TTC34: variants seen among roughly 807,000 people sequenced by gnomAD.
TTC34 encodes tetratricopeptide repeat protein 34.
In TTC34, 44 loss-of-function variants were observed where a neutral mutation model predicts 40.7. The observed-to-expected ratio is 1.08, with a 90% confidence interval of 0.85 to 1.39. TTC34 has a LOEUF of 1.39. TTC34 is among the 40% of genes most tolerant of loss of function. The pLI is 0.00. For missense variants in TTC34, 884 were observed against 838.0 expected (o/e 1.05, Z -0.68); for synonymous variants, 422 against 398.6 (o/e 1.06, Z -0.70).
In TTC34 at chr1:2,785,967, G is replaced by A. The variant is rs370056680; in HGVS notation, c.1911C>T (p.Asp637=). Residue 637 remains aspartate (D), a synonymous_variant, in exon 5 of 9, where the codon GAC becomes GAT. Coordinates refer to ENST00000401095, the Ensembl canonical transcript of TTC34. ...GCTGCCGGTCCTCGTGGCAGAAGAC[G>A]TCCAGGGTGGGCTGGAGGCAGGCGG... 17 of 1,511,594 alleles carry A rather than the reference G, an allele frequency of 1.1e-5. No homozygotes were observed. The highest frequency in any genetic ancestry group is 4.2e-5 in the Admixed American group (2 of 47,266). The allele number at this position is 1,511,594 out of a possible 1,614,324, so 93.6% of individuals were successfully genotyped here. A position where few individuals can be genotyped will look rare whatever the true frequency, so the allele number is the denominator to read the frequency against.
At chr1:2,753,066 C>G (rs1641378027) in intron 6 of TTC34, among the ~76,000 whole-genome samples, 32 of 150,824 alleles carry the variant, frequency 2.1e-4, no homozygotes, top group South Asian at 6.3e-4. Context: ...CCCAGGTGAG[C>G]ATCTGACAGC....
chr1:2,749,484 C>A (rs1346351708), intron 6 of TTC34, among the ~76,000 whole-genome samples: 6 of 86,042 alleles, frequency 7.0e-5, no homozygotes, highest in African/African-American at 2.5e-4. Flanking sequence ...GCACCCACAT[C>A]CCCAGGTGAG....
At chr1:2,666,099 A>T in intron 6 of TTC34, among the ~76,000 whole-genome samples, 1 of 109,678 alleles carries the variant, frequency 9.1e-6, no homozygotes, top group African/African-American at 3.2e-5. Flanking sequence ...CGCCCAGGTG[A>T]GCCTCTGACA....
intron 6 of TTC34, among the ~76,000 whole-genome samples, chr1:2,755,711 T>C (rs1641481098): frequency 1.4e-4 from 2 of 14,534 alleles, no homozygotes; most frequent in Non-Finnish European, 2.5e-4. Context: ...AACCCACAGG[T>C]GAGCATCCGA....
At chr1:2,651,859 G>T (rs1305172508) in intron 6 of TTC34, among the ~76,000 whole-genome samples, 1 of 151,864 alleles carries the variant, frequency 6.6e-6, no homozygotes, top group South Asian at 2.1e-4. Flanking sequence ...GTGAGCCTCT[G>T]ATGGACTCAA....
exon 4 of TTC34, chr1:2,787,540 C>T: frequency 6.5e-7 from 1 of 1,539,160 alleles, no homozygotes; most frequent in Non-Finnish European, 8.8e-7. Context: ...CGTGCCAGCA[C>T]AGGGGCTGCC....
intron 6 of TTC34, among the ~76,000 whole-genome samples, chr1:2,688,168 C>G (rs1437189700): frequency 7.1e-6 from 1 of 140,748 alleles, no homozygotes; most frequent in Admixed American, 7.3e-5. Flanking sequence ...GCACCCACAC[C>G]CCCAGGCGAG....
In TTC34 at chr1:2,692,295, G is replaced by T; in HGVS notation, c.2227-46732C>A. Among the ~76,000 whole-genome samples, 2 of 70,622 alleles carry T rather than the reference G, an allele frequency of 2.8e-5. 1 individual carries two copies. The highest frequency in any genetic ancestry group is 8.9e-4 in the South Asian group (2 of 2,242). The allele number at this position is 70,622 out of a possible 152,430, so 46.3% of individuals were successfully genotyped here. On this transcript the variant is annotated intron_variant, in intron 6 of 8. Coordinates refer to ENST00000401095, the Ensembl canonical transcript of TTC34. Reference sequence around the variant, plus strand: ...GGTGAGCATCTGACAGCCTGGAGCAGCAGGCACACCCCCAGTGAGCATCTG... The same window carrying T: ...GGTGAGCATCTGACAGCCTGGAGCATCAGGCACACCCCCAGTGAGCATCTG...
chr1:2,647,479 C>T (rs1220660281), intron 6 of TTC34, among the ~76,000 whole-genome samples: 2 of 152,010 alleles, frequency 1.3e-5, no homozygotes, highest in African/African-American at 4.8e-5. Flanking sequence ...AATAAAAATA[C>T]AAAACTTAGC....
At chr1:2,775,201 A>T (rs1467379235) in intron 6 of TTC34, 1 of 148,634 alleles carries the variant, frequency 6.7e-6, no homozygotes, top group Admixed American at 6.7e-5. Context: ...CCAGGTGAGC[A>T]TCTGACAGTC....
At chr1:2,695,157 C>G (rs1488377583) in intron 6 of TTC34, among the ~76,000 whole-genome samples, 1 of 85,510 alleles carries the variant, frequency 1.2e-5, no homozygotes, top group Non-Finnish European at 2.6e-5. Flanking sequence ...CCCTGCACCC[C>G]CAGGAGAGCA....
At position 2,653,407 on chromosome 1, in the gene TTC34, C is replaced by A. The variant is rs1343661015; in HGVS notation, c.2227-7844G>T. ...CTGACAGCATGTAACAGCACCCACA[C>A]CCCCAGGTGAGCATCTGACAGCCTG... On this transcript the variant is annotated intron_variant, in intron 6 of 8. Coordinates refer to ENST00000401095, the Ensembl canonical transcript of TTC34. Among the ~76,000 whole-genome samples, 12 of 141,736 alleles carry A rather than the reference C, an allele frequency of 8.5e-5. No individual in the cohort carries two copies. The East Asian group carries it at 9.2e-4, about 11-fold the overall frequency. The allele number at this position is 141,736 out of a possible 152,430, so 93.0% of individuals were successfully genotyped here. A position where few individuals can be genotyped will look rare whatever the true frequency, so the allele number is the denominator to read the frequency against.
chr1:2,695,731 T>A (rs1446624098), intron 6 of TTC34, among the ~76,000 whole-genome samples: 1 of 88,656 alleles, frequency 1.1e-5, no homozygotes, highest in African/African-American at 4.8e-5. Flanking sequence ...GGTGAGCAGC[T>A]GAAATCCTGG....
intron 3 of TTC34, 140 bp downstream of exon 3, chr1:2,789,363 A>G (rs1171646715): frequency 2.5e-6 from 2 of 785,162 alleles, no homozygotes; most frequent in African/African-American, 1.8e-5. Flanking sequence ...GCGGAGCTAG[A>G]CCTGCCTCGG....
intron 1 of TTC34, 48 bp from the exon 2 acceptor site, chr1:2,800,916 C>T: frequency 2.5e-6 from 1 of 398,494 alleles, no homozygotes. Flanking sequence ...GCCAGTTCTC[C>T]TGCCCTGTGG....
chr1:2,787,140 C>T (rs982370105), intron 4 of TTC34, among the ~76,000 whole-genome samples: 7 of 152,200 alleles, frequency 4.6e-5, no homozygotes, highest in African/African-American at 1.7e-4. Context: ...ATGTGAGAGA[C>T]TTGGAGAGAA....
At chr1:2,692,702 A>C in intron 6 of TTC34, among the ~76,000 whole-genome samples, 4 of 100,614 alleles carry the variant, frequency 4.0e-5, no homozygotes, top group African/African-American at 9.6e-5. Context: ...AGCAGCACCC[A>C]CACCCCAGGT....
At chr1:2,785,856 C>T (rs750732768) in exon 5 of TTC34, 2 of 1,545,400 alleles carry the variant, frequency 1.3e-6, no homozygotes. Flanking sequence ...AGGCGATGGC[C>T]TCCTTGGTGT....
rs1165915371 is a variant in TTC34, at chr1:2,687,205, C to A, written c.2227-41642G>T. Among the ~76,000 whole-genome samples the A allele has an allele frequency of 7.1e-5, 10 of 141,588 alleles. No homozygotes were observed. The East Asian group carries it at 1.2e-3, about 17-fold the overall frequency. 92.9% of individuals were successfully genotyped at this position (141,588 alleles called of 152,430 possible). ...TGAACCCACGGAGCAGCACCCACACCTCCCGGCGAGCATCCGACAGCCTGG... is the reference window on the plus strand; with the variant it reads ...TGAACCCACGGAGCAGCACCCACACATCCCGGCGAGCATCCGACAGCCTGG... On this transcript the variant is annotated intron_variant, in intron 6 of 8. Coordinates refer to ENST00000401095, the Ensembl canonical transcript of TTC34.
Sources: gnomAD v4.1 joint callset for allele counts (sites outside exome capture counted in the v4.1 genomes callset) on GRCh38, gnomAD v4.1.1 for gene constraint, MANE v1.5 for transcripts, NCBI Gene and HGNC (gene_info 2026-07-23, HGNC 2026-07-21) for gene names.